DIMT1: variants seen among roughly 807,000 people sequenced by gnomAD.
The protein encoded by DIMT1 is DIM1 rRNA methyltransferase and ribosome maturation factor.
Under a neutral mutation model 43.2 loss-of-function variants are expected in DIMT1, and 36 were observed. The ratio of observed to expected loss-of-function variants is 0.83; its 90% CI spans 0.64 to 1.10. The LOEUF (loss-of-function observed/expected upper bound fraction) is 1.10, where lower values mean the gene tolerates loss of function less well. Among genes scored for constraint, DIMT1 ranks in the 50% least tolerant of loss-of-function variants. The pLI is 0.00. For missense variants in DIMT1, 341 were observed against 385.3 expected (o/e 0.88, Z 0.96); for synonymous variants, 126 against 130.3 (o/e 0.97, Z 0.22).
chr5:62,396,608 G>A (rs1169490065), intron 6 of DIMT1, among the ~76,000 whole-genome samples: 3 of 152,156 alleles, frequency 2.0e-5, no homozygotes, highest in African/African-American at 7.2e-5. Context: ...TCTGATGAGA[G>A]GAAGGAGTAG....
At chr5:62,389,601 G>T (rs908752604) in intron 11 of DIMT1, among the ~76,000 whole-genome samples, 4 of 151,532 alleles carry the variant, frequency 2.6e-5, no homozygotes, top group Non-Finnish European at 5.9e-5. Context: ...TAATGAATTT[G>T]ACTAAAATTA....
chr5:62,398,334 A>G, intron 6 of DIMT1, 177 bp downstream of exon 6: 1 of 628,148 alleles, frequency 1.6e-6, no homozygotes, highest in Non-Finnish European at 2.8e-6. Context: ...GACTTCCAGC[A>G]CACTACCCCC....
intron 3 of DIMT1, among the ~76,000 whole-genome samples, chr5:62,400,056 T>A (rs1742645835): frequency 6.6e-6 from 1 of 152,150 alleles, no homozygotes. Flanking sequence ...ACACTACATG[T>A]CTCTGCAGTC....
intron 2 of DIMT1, 142 bp downstream of exon 2, chr5:62,403,131 G>T: frequency 2.8e-6 from 2 of 724,036 alleles, no homozygotes; most frequent in Non-Finnish European, 4.5e-6. Context: ...GACAGCCCAA[G>T]AATCCTAGAC....
intron 10 of DIMT1, chr5:62,391,734 T>A (rs1481087790): frequency 7.5e-7 from 1 of 1,336,942 alleles, no homozygotes; most frequent in East Asian, 2.8e-5. Flanking sequence ...TTGAGCCATA[T>A]GAACTTTATT....
At chr5:62,394,096 T>G (rs1192070861) in intron 7 of DIMT1, 49 bp from the exon 8 acceptor site, 1 of 1,548,118 alleles carries the variant, frequency 6.5e-7, no homozygotes, top group African/African-American at 1.4e-5. Context: ...CAACTTTTAT[T>G]TAGTAACCAG....
At position 62,403,876 on chromosome 5, in the gene DIMT1, C is replaced by A; in HGVS notation, c.-104G>T. 2 of 1,245,362 alleles carry A rather than the reference C, an allele frequency of 1.6e-6. No homozygotes were observed. Among genetic ancestry groups the A allele is most frequent in the Non-Finnish European group, 2.2e-6 (2 of 898,760 alleles). 77.1% of individuals were successfully genotyped at this position (1,245,362 alleles called of 1,614,324 possible). A position where few individuals can be genotyped will look rare whatever the true frequency, so the allele number is the denominator to read the frequency against. On this transcript the variant is annotated 5_prime_UTR_variant, in exon 1 of 12. Transcript: ENST00000199320. ...GGATCGCCGCCACGCGCCGCCCGCA[C>A]CACTCTGGCCCAAGCGCCGGAGGGG...
intron 1 of DIMT1, 81 bp from the exon 2 acceptor site, chr5:62,403,427 T>A (rs767194216): frequency 2.2e-6 from 3 of 1,363,734 alleles, no homozygotes; most frequent in Non-Finnish European, 3.1e-6. Flanking sequence ...GCTGCATGGG[T>A]ATGGGGAAGA....
chr5:62,389,333 A>T lies in DIMT1; in HGVS notation c.900-281T>A, dbSNP rs1343493392. The stretch of plus-strand genomic sequence containing the variant: ...AAACCCCGTCTCTACTAAAAATACA[A>T]AAATTAGCCTGGCATGGTGGCACAT... On this transcript the variant is annotated intron_variant, in intron 11 of 11. Transcript: ENST00000199320. 1.1e-4 allele frequency among the ~76,000 whole-genome samples: 17 copies of T among 151,994 alleles called. No homozygotes were observed. In the South Asian group the frequency reaches 3.5e-3, roughly 32 times the overall value.
chr5:62,403,789 C>T lies in DIMT1; in HGVS notation c.-17G>A, dbSNP rs1742803296. ...CTTCGGCATCTCGGCAGAAAGCGGG[C>T]CCACAGGCCCGGGACGTCAAGGAGG... On this transcript the variant is annotated 5_prime_UTR_variant, in exon 1 of 12. Transcript: ENST00000199320. 5 of 1,608,722 alleles carry T rather than the reference C, an allele frequency of 3.1e-6. No homozygotes were observed. The South Asian group carries it at 5.5e-5, about 18-fold the overall frequency.
At chr5:62,391,757 C>G in intron 10 of DIMT1, 2 of 1,360,056 alleles carry the variant, frequency 1.5e-6, no homozygotes, top group South Asian at 2.0e-5. Context: ...AATTTCTATA[C>G]AAAGAAAGTA....
Position 62,403,342 on chromosome 5 carries a change from G to A in DIMT1, c.84C>T (p.Leu28=), listed in dbSNP as rs1414627652. The A allele has an allele frequency of 6.2e-7, 1 of 1,613,732 alleles. No individual in the cohort carries two copies. Among genetic ancestry groups the A allele is most frequent in the Non-Finnish European group, 8.5e-7 (1 of 1,179,706 alleles). ...QRRELKSAGG[L]MFNTGIGQHI... ...GCTGCCCAATCCCCGTGTTGAACAT[G>A]AGTCCTGTAAGAAAATACGAAACAG... The change falls in exon 2 of 12, where the codon CTC becomes CTT. Residue 28 remains leucine, a synonymous_variant. Coordinates refer to ENST00000199320, the MANE Select transcript of DIMT1 (RefSeq NM_014473.4).
chr5:62,400,779 G>A (rs888462631), intron 3 of DIMT1, among the ~76,000 whole-genome samples: 1 of 151,962 alleles, frequency 6.6e-6, no homozygotes, highest in Non-Finnish European at 1.5e-5. Flanking sequence ...TATTTTTTGA[G>A]ACAGGGTCTC....
rs1381106033 is a variant in DIMT1, at chr5:62,388,741, A to G, written c.*269T>C. 9 of 443,176 alleles carry G rather than the reference A, an allele frequency of 2.0e-5. No individual in the cohort carries two copies. The highest frequency in any genetic ancestry group is 3.2e-5 in the Non-Finnish European group (8 of 247,574). 27.5% of individuals were successfully genotyped at this position (443,176 alleles called of 1,614,324 possible). A position where few individuals can be genotyped will look rare whatever the true frequency, so the allele number is the denominator to read the frequency against. On this transcript the variant is annotated 3_prime_UTR_variant, in exon 12 of 12. Coordinates refer to ENST00000199320, the MANE Select transcript of DIMT1 (RefSeq NM_014473.4). ...TTTATACAATAAACTGTTAGAAATG[A>G]TAAGTGTAAAGTTGTGCGTCTCTGC...
chr5:62,395,086 G>A (rs1257887177), intron 6 of DIMT1, among the ~76,000 whole-genome samples: 5 of 151,022 alleles, frequency 3.3e-5, no homozygotes, highest in Non-Finnish European at 5.9e-5. Flanking sequence ...GTGCAATGGC[G>A]CAATCTCGGC....
chr5:62,403,160 A>G (rs1001401853), intron 2 of DIMT1, 113 bp downstream of exon 2: 8 of 909,818 alleles, frequency 8.8e-6, no homozygotes, highest in Non-Finnish European at 1.4e-5. Flanking sequence ...GATTCATTCA[A>G]CAAATATTTA....
rs747308911 is a variant in DIMT1, at chr5:62,392,997, T to G, written c.664-7A>C. Reference sequence around the variant, plus strand: ...TTACTAGACCATCCCATTCCTGAAATAGAAGATAGACATTTTCTTCAAATT... The same window carrying G: ...TTACTAGACCATCCCATTCCTGAAAGAGAAGATAGACATTTTCTTCAAATT... On this transcript the variant is annotated splice_region_variant and splice_polypyrimidine_tract_variant and intron_variant, in intron 8 of 11. Coordinates refer to ENST00000199320, the MANE Select transcript of DIMT1 (RefSeq NM_014473.4). 1.3e-6 allele frequency: 2 copies of G among 1,598,640 alleles called. No homozygotes were observed. Among genetic ancestry groups the G allele is most frequent in the Non-Finnish European group, 1.7e-6 (2 of 1,167,704 alleles).
At chr5:62,391,992 C>G in intron 10 of DIMT1, 179 bp downstream of exon 10, 3 of 1,542,154 alleles carry the variant, frequency 1.9e-6, no homozygotes, top group Non-Finnish European at 2.6e-6. Context: ...TCACAGGATA[C>G]ACAGCAGCAC....
At chr5:62,398,208 G>C (rs753038669) in intron 6 of DIMT1, among the ~76,000 whole-genome samples, 1 of 151,844 alleles carries the variant, frequency 6.6e-6, no homozygotes, top group Non-Finnish European at 1.5e-5. Context: ...TCTTATACTA[G>C]AGACCAGTTA....
Sources: gnomAD v4.1 joint callset for allele counts (sites outside exome capture counted in the v4.1 genomes callset) on GRCh38, gnomAD v4.1.1 for gene constraint, MANE v1.5 for transcripts, NCBI Gene and HGNC (gene_info 2026-07-23, HGNC 2026-07-21) for gene names.